The following C10orf88 variants were observed in gnomAD, a reference collection of about 807,000 sequenced individuals.
C10orf88 encodes the protein chromosome 10 open reading frame 88, also known as ATPase PAAT.
In C10orf88, 29 loss-of-function variants were observed where a neutral mutation model predicts 34.2. The ratio of observed to expected loss-of-function variants is 0.85; its 90% CI spans 0.63 to 1.16. C10orf88 has a LOEUF of 1.16. Among genes scored for constraint, C10orf88 ranks in the 50% most tolerant of loss-of-function variants. The pLI, the probability that C10orf88 is intolerant of heterozygous loss-of-function variation, is 0.00. For missense variants in C10orf88, 507 were observed against 533.2 expected (o/e 0.95, Z 0.48); for synonymous variants, 194 against 197.4 (o/e 0.98, Z 0.15).
At chr10:122,941,762 C>A (rs990994820) in intron 4 of C10orf88, among the ~76,000 whole-genome samples, 1 of 152,246 alleles carries the variant, frequency 6.6e-6, no homozygotes, top group Admixed American at 6.6e-5. Flanking sequence ...TGTTTATCAC[C>A]TTCTTTCTTC....
At chr10:122,953,834 G>T (rs552135611) in intron 1 of C10orf88, among the ~76,000 whole-genome samples, 181 bp downstream of exon 1, 1 of 149,370 alleles carries the variant, frequency 6.7e-6, no homozygotes, top group Non-Finnish European at 1.5e-5. Context: ...CCCCTTCCCG[G>T]CCGGACCCAC....
At chr10:122,953,559 T>A (rs1444093447) in intron 1 of C10orf88, among the ~76,000 whole-genome samples, 1 of 152,230 alleles carries the variant, frequency 6.6e-6, no homozygotes, top group Non-Finnish European at 1.5e-5. Flanking sequence ...GACTCTCGGA[T>A]AATTACATAA....
intron 4 of C10orf88, 112 bp downstream of exon 4, chr10:122,948,537 A>G: frequency 4.2e-6 from 4 of 943,958 alleles, no homozygotes; most frequent in South Asian, 1.8e-5. Context: ...AAACTAAAAG[A>G]TAACAGTTAA....
intron 4 of C10orf88, among the ~76,000 whole-genome samples, chr10:122,943,816 C>T (rs912241793): frequency 6.6e-6 from 1 of 152,164 alleles, no homozygotes; most frequent in African/African-American, 2.4e-5. Context: ...AAATCAAAAC[C>T]ACAATGAGAT....
At chr10:122,949,300 A>G (rs1380248073) in intron 3 of C10orf88, among the ~76,000 whole-genome samples, 1 of 152,184 alleles carries the variant, frequency 6.6e-6, no homozygotes, top group African/African-American at 2.4e-5. Context: ...GAGTTTAACA[A>G]TAGAGTAATT....
chr10:122,940,970 G>C (rs1419840239), intron 4 of C10orf88, among the ~76,000 whole-genome samples: 1 of 151,938 alleles, frequency 6.6e-6, no homozygotes, highest in Non-Finnish European at 1.5e-5. Flanking sequence ...ACACAATAGA[G>C]ATTTCTGAAA....
intron 3 of C10orf88, 58 bp from the exon 4 acceptor site, chr10:122,948,913 G>A: frequency 6.9e-7 from 1 of 1,452,678 alleles, no homozygotes; most frequent in Non-Finnish European, 9.5e-7. Flanking sequence ...ATCATTTAAT[G>A]TAACTTCTTG....
rs757931782 is a variant in C10orf88, at chr10:122,938,116, T to C, written c.692A>G (p.Asn231Ser). 6.2e-7 allele frequency: 1 copy of C among 1,611,296 alleles called. No homozygotes were observed. The highest frequency in any genetic ancestry group is 1.3e-5 in the African/African-American group (1 of 74,818). ...TCCAATCATATGCTTGTATCCAGAA[T>C]TGCCCAACACCGACTGAAGCTGCTC... ...IGEQLQSVLG[N>S]SGYKHMIGLQ... is the part of the protein sequence containing the mutation. The change falls in exon 5 of 6, where the codon AAT becomes AGT. Residue 231 changes from asparagine to serine, a missense_variant. By Grantham distance (46) the Asn-to-Ser change is conservative. Transcript: ENST00000481909.
intron 5 of C10orf88, 76 bp downstream of exon 5, chr10:122,937,629 G>A: frequency 3.8e-6 from 5 of 1,319,810 alleles, no homozygotes; most frequent in Non-Finnish European, 5.2e-6. Flanking sequence ...AGTACTCATT[G>A]AGACAAATCT....
intron 1 of C10orf88, 55 bp downstream of exon 1, chr10:122,953,960 T>G (rs1341534387): frequency 6.9e-7 from 1 of 1,458,848 alleles, no homozygotes; most frequent in Non-Finnish European, 9.0e-7. Flanking sequence ...ACAGCTCCCC[T>G]AGAAGCGCGG....
At chr10:122,951,344 T>C (rs1243820990) in intron 3 of C10orf88, among the ~76,000 whole-genome samples, 1 of 152,180 alleles carries the variant, frequency 6.6e-6, no homozygotes, top group African/African-American at 2.4e-5. Context: ...CAATACATTA[T>C]CCAAGGTTAA....
chr10:122,938,505 G>A (rs975852652), intron 4 of C10orf88, among the ~76,000 whole-genome samples: 1 of 151,964 alleles, frequency 6.6e-6, no homozygotes, highest in African/African-American at 2.4e-5. Flanking sequence ...CACTACAAAT[G>A]TCTCTTTATG....
intron 4 of C10orf88, among the ~76,000 whole-genome samples, chr10:122,939,521 T>C (rs1307560166): frequency 2.0e-5 from 3 of 151,970 alleles, no homozygotes; most frequent in South Asian, 2.1e-4. Context: ...AACTGCACTT[T>C]GGAAAAGTGC....
At chr10:122,935,486 C>T (rs1848526598) in intron 5 of C10orf88, among the ~76,000 whole-genome samples, 1 of 151,998 alleles carries the variant, frequency 6.6e-6, no homozygotes, top group Non-Finnish European at 1.5e-5. Flanking sequence ...TGCTATCCAT[C>T]TATAAGTCTA....
At chr10:122,943,919 T>C (rs1848609886) in intron 4 of C10orf88, among the ~76,000 whole-genome samples, 1 of 152,108 alleles carries the variant, frequency 6.6e-6, no homozygotes, top group African/African-American at 2.4e-5. Flanking sequence ...ACTTTTACAC[T>C]GTTGGTGGGA....
chr10:122,950,670 T>G (rs1007822901), intron 3 of C10orf88, among the ~76,000 whole-genome samples: 56 of 152,232 alleles, frequency 3.7e-4, no homozygotes, highest in African/African-American at 1.3e-3. Flanking sequence ...CTCCTTATTG[T>G]CTGTCTTGCC....
intron 4 of C10orf88, among the ~76,000 whole-genome samples, chr10:122,940,921 G>C (rs1848575255): frequency 6.6e-6 from 1 of 151,966 alleles, no homozygotes; most frequent in Non-Finnish European, 1.5e-5. Context: ...ACAAAGATAT[G>C]TGTATGTGTA....
chr10:122,946,809 G>T (rs1848644837), intron 4 of C10orf88, among the ~76,000 whole-genome samples: 1 of 152,088 alleles, frequency 6.6e-6, no homozygotes, highest in Non-Finnish European at 1.5e-5. Flanking sequence ...AAGTATCACA[G>T]GGAGGGAGTT....
chr10:122,943,488 CA>C (rs1416926356), intron 4 of C10orf88, among the ~76,000 whole-genome samples: 2 of 150,578 alleles, frequency 1.3e-5, no homozygotes, highest in African/African-American at 4.9e-5. Context: ...TCTAAAACAC[CA>C]AAAGCAATGG....
Sources: gnomAD v4.1 joint callset for allele counts (sites outside exome capture counted in the v4.1 genomes callset) on GRCh38, gnomAD v4.1.1 for gene constraint, MANE v1.5 for transcripts, NCBI Gene and HGNC (gene_info 2026-07-23, HGNC 2026-07-21) for gene names.